The following B3GALT1 variants were observed in gnomAD, a reference collection of about 807,000 sequenced individuals.
B3GALT1 encodes beta-1,3-galactosyltransferase 1, also known as UDP-Gal:betaGlcNAc beta 1,3-galactosyltransferase, polypeptide 1.
In B3GALT1, 10 loss-of-function variants were observed where a neutral mutation model predicts 23.2. The observed-to-expected ratio is 0.43, with a 90% CI of 0.27 to 0.73. The LOEUF is 0.73. Among genes scored for constraint, B3GALT1 ranks in the 30% least tolerant of loss-of-function variants. B3GALT1 has a pLI of 0.21. For missense variants in B3GALT1, 299 were observed against 405.4 expected, an observed-to-expected ratio of 0.74 and a Z score of 2.25; for synonymous variants, 156 against 141.5, an observed-to-expected ratio of 1.10 and a Z score of -0.73.
At chr2:167,825,453 TGTGC>T (rs1553491819) in intron 4 of B3GALT1, among the ~76,000 whole-genome samples, 1 of 146,602 alleles carries the variant, frequency 6.8e-6, no homozygotes, top group African/African-American at 2.6e-5. Flanking sequence ...TGTGTGTGTG[TGTGC>T]GTGCACGTGT....
intron 1 of B3GALT1, among the ~76,000 whole-genome samples, chr2:167,343,294 A>G (rs888263729): frequency 2.0e-5 from 3 of 152,202 alleles, no homozygotes; most frequent in African/African-American, 7.2e-5. Flanking sequence ...TGACACTTAA[A>G]TTTTAGGAAG....
At chr2:167,635,185 T>C (rs1685527564) in intron 2 of B3GALT1, among the ~76,000 whole-genome samples, 1 of 152,170 alleles carries the variant, frequency 6.6e-6, no homozygotes, top group African/African-American at 2.4e-5. Context: ...AAACTAGGTA[T>C]TGATGGAACG....
chr2:167,646,341 T>A lies in B3GALT1; in HGVS notation c.-409-568T>A, dbSNP rs140806823. Among the ~76,000 whole-genome samples, 777 of 152,278 alleles carry A rather than the reference T, an allele frequency of 5.1e-3. 5 individuals are homozygous for A. The highest frequency in any genetic ancestry group is 7.6e-3 in the Non-Finnish European group (520 of 68,024). On this transcript the variant is annotated intron_variant, in intron 2 of 4. Transcript: ENST00000392690. ...ACCCAGGGTTTCTGCCAAACTCCCCTCTTTCTAAGTCATCCAGATCAGAAA... is the reference window on the plus strand; with the variant it reads ...ACCCAGGGTTTCTGCCAAACTCCCCACTTTCTAAGTCATCCAGATCAGAAA...
intron 4 of B3GALT1, among the ~76,000 whole-genome samples, chr2:167,851,025 A>C (rs535952028): frequency 3.3e-5 from 5 of 152,154 alleles, no homozygotes; most frequent in African/African-American, 9.7e-5. Context: ...AAAGCAAATT[A>C]TCTACATCTA....
intron 3 of B3GALT1, among the ~76,000 whole-genome samples, chr2:167,735,847 A>G (rs1341578601): frequency 6.6e-6 from 1 of 152,226 alleles, no homozygotes; most frequent in Non-Finnish European, 1.5e-5. Flanking sequence ...GCCAATGGTC[A>G]CCTAGTAAGT....
At chr2:167,747,820 T>A (rs1687675360) in intron 3 of B3GALT1, among the ~76,000 whole-genome samples, 1 of 152,230 alleles carries the variant, frequency 6.6e-6, no homozygotes, top group African/African-American at 2.4e-5. Context: ...GGCTAGAGGT[T>A]GTTTATTGCA....
intron 2 of B3GALT1, among the ~76,000 whole-genome samples, chr2:167,623,436 G>A (rs1685294414): frequency 6.6e-6 from 1 of 152,058 alleles, no homozygotes; most frequent in Non-Finnish European, 1.5e-5. Context: ...AAAAAAGGAT[G>A]TTCATGTCCT....
intron 3 of B3GALT1, among the ~76,000 whole-genome samples, chr2:167,678,233 A>G (rs1432828062): frequency 6.6e-6 from 1 of 152,214 alleles, no homozygotes; most frequent in Non-Finnish European, 1.5e-5. Flanking sequence ...GTTTCATAAT[A>G]GCAACTGCTG....
chr2:167,505,591 T>A (rs927697150), intron 2 of B3GALT1, among the ~76,000 whole-genome samples: 16 of 152,146 alleles, frequency 1.1e-4, no homozygotes, highest in Non-Finnish European at 1.8e-4. Context: ...ATGCAGTTGA[T>A]CATGAGGTGT....
chr2:167,426,389 C>G (rs1234079374), intron 1 of B3GALT1, among the ~76,000 whole-genome samples: 2 of 151,712 alleles, frequency 1.3e-5, no homozygotes, highest in East Asian at 1.9e-4. Context: ...GTTCTCCTGG[C>G]TCTGCCTCGC....
At position 167,589,766 on chromosome 2, in the gene B3GALT1, A is replaced by G. The variant is rs192152488; in HGVS notation, c.-409-57143A>G. On this transcript the variant is annotated intron_variant, in intron 2 of 4. Coordinates refer to ENST00000392690, the MANE Select transcript of B3GALT1 (RefSeq NM_020981.4). Reference sequence around the variant, plus strand: ...TACCTACTTTATATTTTTATTATAGATATAATAAAACATTGGCAGTTTTCT... The same window carrying G: ...TACCTACTTTATATTTTTATTATAGGTATAATAAAACATTGGCAGTTTTCT... Among the ~76,000 whole-genome samples the G allele has an allele frequency of 3.3e-5, 5 of 152,200 alleles. No individual in the cohort carries two copies. In the East Asian group the frequency reaches 9.7e-4, roughly 29 times the overall value.
At chr2:167,804,796 T>C (rs1688715318) in intron 3 of B3GALT1, among the ~76,000 whole-genome samples, 1 of 151,846 alleles carries the variant, frequency 6.6e-6, no homozygotes, top group Admixed American at 6.6e-5. Context: ...TATGTGTGCA[T>C]GTGTCTTTAT....
chr2:167,816,499 TATA>T (rs1688994222), intron 3 of B3GALT1, among the ~76,000 whole-genome samples: 1 of 152,144 alleles, frequency 6.6e-6, no homozygotes, highest in South Asian at 2.1e-4. Context: ...CTATGATGAC[TATA>T]ATAATACCTA....
intron 3 of B3GALT1, among the ~76,000 whole-genome samples, chr2:167,778,050 A>G (rs959568349): frequency 6.6e-6 from 1 of 152,108 alleles, no homozygotes; most frequent in African/African-American, 2.4e-5. Context: ...AGCTTGAAAA[A>G]CACTGGCTTA....
At chr2:167,647,997 TA>T (rs908027919) in intron 3 of B3GALT1, among the ~76,000 whole-genome samples, 2 of 152,162 alleles carry the variant, frequency 1.3e-5, no homozygotes, top group African/African-American at 2.4e-5. Context: ...TTTCTCATCT[TA>T]CAAACCTTTG....
chr2:167,753,102 G>A (rs1687764535), intron 3 of B3GALT1, among the ~76,000 whole-genome samples: 1 of 152,248 alleles, frequency 6.6e-6, no homozygotes, highest in Non-Finnish European at 1.5e-5. Context: ...TTGCACTGGA[G>A]AGAGGGGCCA....
chr2:167,686,550 A>G (rs892634400), intron 3 of B3GALT1, among the ~76,000 whole-genome samples: 1 of 152,114 alleles, frequency 6.6e-6, no homozygotes, highest in Non-Finnish European at 1.5e-5. Flanking sequence ...TCCTTGCTAT[A>G]TTGTTACTTA....
intron 3 of B3GALT1, among the ~76,000 whole-genome samples, chr2:167,730,873 T>C (rs1384525868): frequency 6.6e-6 from 1 of 152,224 alleles, no homozygotes; most frequent in Admixed American, 6.5e-5. Flanking sequence ...TAATTGTCAT[T>C]TATTGAGTAC....
chr2:167,587,038 C>A lies in B3GALT1; in HGVS notation c.-409-59871C>A, dbSNP rs148711262. ...TACCTTCATCCCATCAAATTGAATT[C>A]TATTCCTATTTCTAGAGCTTATTTT... On this transcript the variant is annotated intron_variant, in intron 2 of 4. Coordinates refer to ENST00000392690, the MANE Select transcript of B3GALT1 (RefSeq NM_020981.4). Among the ~76,000 whole-genome samples the A allele has an allele frequency of 3.7e-4, 57 of 152,264 alleles. No homozygotes were observed. The East Asian group carries it at 0.01, about 27-fold the overall frequency.
Sources: gnomAD v4.1 joint callset for allele counts (sites outside exome capture counted in the v4.1 genomes callset) on GRCh38, gnomAD v4.1.1 for gene constraint, MANE v1.5 for transcripts, NCBI Gene and HGNC (gene_info 2026-07-23, HGNC 2026-07-21) for gene names.